The following TTC21B variants were observed in gnomAD, a reference collection of about 807,000 sequenced individuals.
The protein encoded by TTC21B is tetratricopeptide repeat domain 21B.
A neutral mutation model predicts 175.1 loss-of-function variants in TTC21B; 127 were observed. That is an observed-to-expected ratio of 0.73 (90% CI 0.63 to 0.84). The LOEUF (loss-of-function observed/expected upper bound fraction) is 0.84. Ranked by LOEUF, TTC21B falls within the 40% of genes least tolerant of loss-of-function variation. The pLI, the probability that TTC21B is intolerant of heterozygous loss-of-function variation, is 0.00. For synonymous variants in TTC21B, 524 were observed against 524.5 expected (o/e 1.00, Z 0.01); for missense variants, 1,561 against 1,558.3 (o/e 1.00, Z -0.03).
chr2:165,875,308 T>C (rs774550645), intron 28 of TTC21B, among the ~76,000 whole-genome samples: 1 of 151,866 alleles, frequency 6.6e-6, no homozygotes, highest in African/African-American at 2.4e-5. Flanking sequence ...TCCTAATATA[T>C]AGCCTTACAT....
intron 13 of TTC21B, 112 bp downstream of exon 13, chr2:165,919,164 A>T: frequency 3.3e-5 from 43 of 1,303,116 alleles, no homozygotes; most frequent in Admixed American, 2.4e-4. Context: ...TTTTTTTTCC[A>T]TTAAAAATGC....
chr2:165,914,655 A>ATGTGTGTGTGTGTGTG (rs1466920048), intron 15 of TTC21B, among the ~76,000 whole-genome samples: 4,536 of 75,606 alleles, frequency 0.06, 230 homozygotes, highest in Middle Eastern at 0.068. Flanking sequence ...AGGAAGAGCA[A>ATGTGTGTGTGTGTGTG]TCTGTGTGTG....
At chr2:165,924,743 T>G in intron 11 of TTC21B, 65 bp from the exon 12 acceptor site, 1 of 1,517,246 alleles carries the variant, frequency 6.6e-7, no homozygotes, top group East Asian at 2.5e-5. Context: ...AAAATAAACA[T>G]ATATTAATTT....
intron 22 of TTC21B, among the ~76,000 whole-genome samples, chr2:165,894,333 A>C (rs1685291480): frequency 6.6e-6 from 1 of 152,190 alleles, no homozygotes; most frequent in African/African-American, 2.4e-5. Flanking sequence ...AATTAGGTCA[A>C]ATTTGTATGG....
chr2:165,946,366 T>G (rs1041005234), intron 3 of TTC21B, among the ~76,000 whole-genome samples: 3 of 151,978 alleles, frequency 2.0e-5, no homozygotes, highest in Non-Finnish European at 4.4e-5. Context: ...TTAAATTTTA[T>G]TTAAAAATAC....
At chr2:165,940,686 T>G (rs911458891) in intron 6 of TTC21B, among the ~76,000 whole-genome samples, 1 of 152,186 alleles carries the variant, frequency 6.6e-6, no homozygotes, top group Non-Finnish European at 1.5e-5. Flanking sequence ...TCTTGGTTTA[T>G]CTTTTCCCCA....
At chr2:165,922,337 G>A (rs2105333130) in intron 12 of TTC21B, among the ~76,000 whole-genome samples, 1 of 151,476 alleles carries the variant, frequency 6.6e-6, no homozygotes, top group Non-Finnish European at 1.5e-5. Context: ...TAAAACAGAA[G>A]TCCATAATTT....
chr2:165,918,141 G>C (rs1337857637), intron 13 of TTC21B, among the ~76,000 whole-genome samples: 1 of 152,220 alleles, frequency 6.6e-6, no homozygotes, highest in Non-Finnish European at 1.5e-5. Flanking sequence ...CTCAACCTTA[G>C]GCAGCCTGCA....
chr2:165,921,062 T>C (rs111798398), intron 12 of TTC21B, among the ~76,000 whole-genome samples: 6 of 152,262 alleles, frequency 3.9e-5, no homozygotes, highest in African/African-American at 1.2e-4. Flanking sequence ...TGTTATTCAT[T>C]ATGGACCCTG....
At chr2:165,933,961 TGA>T (rs1687011739) in intron 6 of TTC21B, 3 of 152,020 alleles carry the variant, frequency 2.0e-5, no homozygotes, top group Admixed American at 6.6e-5. Context: ...CTATTGGAGG[TGA>T]CAAGAGTCCA....
At chr2:165,934,517 A>AG (rs555660173) in intron 6 of TTC21B, among the ~76,000 whole-genome samples, 23,329 of 114,392 alleles carry the variant, frequency 0.2, 2,727 homozygotes, top group Non-Finnish European at 0.3. Flanking sequence ...AAAAAAAAAA[A>AG]AAAAGAAAAG....
intron 12 of TTC21B, among the ~76,000 whole-genome samples, chr2:165,921,339 T>C (rs1005333976): frequency 3.3e-5 from 5 of 152,164 alleles, no homozygotes; most frequent in Non-Finnish European, 2.9e-5. Flanking sequence ...AATACTCTGA[T>C]TGTCACACAT....
chr2:165,883,670 A>T (rs1473731055), intron 26 of TTC21B, 124 bp downstream of exon 26: 1 of 779,602 alleles, frequency 1.3e-6, no homozygotes, highest in East Asian at 2.7e-5. Context: ...TGTGGTAAGA[A>T]TAAACATTTA....
chr2:165,911,286 A>T, intron 18 of TTC21B, 41 bp downstream of exon 18: 1 of 1,611,356 alleles, frequency 6.2e-7, no homozygotes, highest in Non-Finnish European at 8.5e-7. Context: ...AAAATGGATC[A>T]GAGTTATCAG....
At chr2:165,876,294 G>A in intron 27 of TTC21B, 62 bp from the exon 28 acceptor site, 1 of 1,042,638 alleles carries the variant, frequency 9.6e-7, no homozygotes, top group Non-Finnish European at 1.5e-6. Flanking sequence ...ACTTTTCCTT[G>A]CCTCCTCCTC....
chr2:165,914,781 A>T (rs1686101319), intron 15 of TTC21B, among the ~76,000 whole-genome samples: 1 of 151,626 alleles, frequency 6.6e-6, no homozygotes, highest in African/African-American at 2.4e-5. Flanking sequence ...TCTGTAATCC[A>T]CACGTTAGCA....
At chr2:165,940,919 GA>G in intron 6 of TTC21B, 107 bp downstream of exon 6, 1 of 1,257,758 alleles carries the variant, frequency 8.0e-7, no homozygotes, top group South Asian at 1.3e-5. Context: ...CACACTGTTT[GA>G]AAAAAATCAA....
At chr2:165,952,425 C>A (rs950278343) in intron 1 of TTC21B, among the ~76,000 whole-genome samples, 25 of 151,928 alleles carry the variant, frequency 1.6e-4, no homozygotes, top group African/African-American at 6.0e-4. Flanking sequence ...ACTATCTGGC[C>A]CTTTGTTGAG....
At chr2:165,925,688 T>C (rs1205706299) in intron 11 of TTC21B, among the ~76,000 whole-genome samples, 4 of 152,210 alleles carry the variant, frequency 2.6e-5, no homozygotes, top group African/African-American at 9.6e-5. Flanking sequence ...ATATAATCTA[T>C]ATAATAAAAT....
Sources: allele counts gnomAD v4.1 joint callset (sites outside exome capture counted in the v4.1 genomes callset), GRCh38; gene constraint gnomAD v4.1.1; transcripts MANE v1.5; gene names NCBI Gene and HGNC (gene_info 2026-07-23, HGNC 2026-07-21).